The following PTBP3 variants were observed in gnomAD, a reference collection of about 807,000 sequenced individuals.
The protein encoded by PTBP3 is polypyrimidine tract-binding protein 3.
Under a neutral mutation model 58.7 loss-of-function variants are expected in PTBP3, and 20 were observed. The ratio of observed to expected loss-of-function variants is 0.34; its 90% CI spans 0.24 to 0.50. The LOEUF is 0.50. Among genes scored for constraint, PTBP3 ranks in the 20% least tolerant of loss-of-function variants. The probability of loss-of-function intolerance (pLI) is 0.98; values close to 1 mark genes in which losing one functional copy is unlikely to be tolerated. For missense variants in PTBP3, 509 were observed against 637.2 expected (o/e 0.80, Z 2.17); for synonymous variants, 185 against 219.8 (o/e 0.84, Z 1.40).
Position 112,234,891 on chromosome 9 carries a change from G to A in PTBP3, c.809C>T (p.Pro270Leu), listed in dbSNP as rs751666583. 25 of 1,611,028 alleles carry A rather than the reference G, an allele frequency of 1.6e-5. No individual in the cohort carries two copies. The highest frequency in any genetic ancestry group is 3.3e-5 in the Admixed American group (2 of 59,808). Residue 270 changes from proline (P) to leucine (L), a missense_variant, in exon 8 of 14, where the codon CCG becomes CTG. Pro to Leu is a moderately conservative substitution (Grantham distance 98). Transcript: ENST00000374257. ...EPPMAAAFGAPGIISSPYAGA... is the reference protein window; with the variant it reads ...EPPMAAAFGALGIISSPYAGA... ...TGCATATGGTGAAGAAATTATACCC[G>A]GTGCACCTAATGGGAAAGAGAAGCT...
At position 112,221,273 on chromosome 9, in the gene PTBP3, A is replaced by G; in HGVS notation, c.*2578T>C. ...TATGTATATACACTTATCTACACAC[A>G]CACACATTCACACACACACACAAAC... On this transcript the variant is annotated 3_prime_UTR_variant, in exon 14 of 14. Coordinates refer to ENST00000374257, the MANE Select transcript of PTBP3 (RefSeq NM_001163788.4). The G allele has an allele frequency of 1.0e-6, 1 of 985,402 alleles. No individual in the cohort carries two copies. The highest frequency in any genetic ancestry group is 1.7e-5 in the African/African-American group (1 of 57,286). The allele number at this position is 985,402 out of a possible 1,614,324, so 61.0% of individuals were successfully genotyped here. A position where few individuals can be genotyped will look rare whatever the true frequency, so the allele number is the denominator to read the frequency against.
chr9:112,340,876 CA>C, the PTBP3 span, among the ~76,000 whole-genome samples: 6 of 30,046 alleles, frequency 2.0e-4, no homozygotes, highest in Non-Finnish European at 2.8e-4. Context: ...AACTCTGTCT[CA>C]AAAAAAAAAA....
At position 112,268,195 on chromosome 9, in the gene PTBP3, C is replaced by T; in HGVS notation, c.205G>A (p.Ala69Thr). The T allele has an allele frequency of 6.2e-7, 1 of 1,600,424 alleles. No individual in the cohort carries two copies. The highest frequency in any genetic ancestry group is 8.5e-7 in the Non-Finnish European group (1 of 1,176,196). ...NLLMLKGKSQAFLEMASEEAA... is the reference protein window; with the variant it reads ...NLLMLKGKSQTFLEMASEEAA... ...TCCTCAGAAGCCATTTCTAAGAAAGCCTGCAATAAACACAAGAAGGTAAAG... is the reference window on the plus strand; with the variant it reads ...TCCTCAGAAGCCATTTCTAAGAAAGTCTGCAATAAACACAAGAAGGTAAAG... The change falls in exon 4 of 14, where the codon GCT (alanine) becomes ACT (threonine). Residue 69 changes from alanine to threonine, a missense_variant and splice_region_variant. Ala to Thr is a moderately conservative substitution (Grantham distance 58, BLOSUM62 0). This residue lies in a region of PTBP3 where 212 missense variants were observed against 215.3 expected (regional missense o/e 0.98). Transcript: ENST00000374257.
chr9:112,333,989 C>A (rs908695027), upstream of PTBP3, among the ~76,000 whole-genome samples: 15 of 151,730 alleles, frequency 9.9e-5, no homozygotes, highest in African/African-American at 3.4e-4. Flanking sequence ...CCGGGCCTGC[C>A]AGGTTTGAAT....
chr9:112,317,245 C>CA (rs1320672390), intron 1 of PTBP3, among the ~76,000 whole-genome samples: 16 of 150,796 alleles, frequency 1.1e-4, no homozygotes, highest in East Asian at 3.9e-4. Flanking sequence ...ACCCCATATC[C>CA]AAAAAAAAAG....
chr9:112,221,395 T>G lies in PTBP3; in HGVS notation c.*2456A>C, dbSNP rs1171999710. 4 of 985,698 alleles carry G rather than the reference T, an allele frequency of 4.1e-6. No individual in the cohort carries two copies. Among genetic ancestry groups the G allele is most frequent in the Middle Eastern group, 5.2e-4 (1 of 1,936 alleles). 61.1% of individuals were successfully genotyped at this position (985,698 alleles called of 1,614,324 possible). A position where few individuals can be genotyped will look rare whatever the true frequency, so the allele number is the denominator to read the frequency against. On this transcript the variant is annotated 3_prime_UTR_variant, in exon 14 of 14. Coordinates refer to ENST00000374257, the MANE Select transcript of PTBP3 (RefSeq NM_001163788.4). ...AAAGTTACATTCAACACCACTATGATCCCCTTCCGTTATTAGCAACTTTGC... is the reference window on the plus strand; with the variant it reads ...AAAGTTACATTCAACACCACTATGAGCCCCTTCCGTTATTAGCAACTTTGC...
chr9:112,359,531 C>T, the PTBP3 span, among the ~76,000 whole-genome samples: 1 of 151,522 alleles, frequency 6.6e-6, no homozygotes, highest in African/African-American at 2.4e-5. Context: ...AGGCTGGGCA[C>T]GGTGGCTCAC....
chr9:112,294,718 T>C (rs1008611860), intron 2 of PTBP3, among the ~76,000 whole-genome samples: 5 of 152,206 alleles, frequency 3.3e-5, no homozygotes, highest in Non-Finnish European at 7.3e-5. Context: ...AAATTATCTT[T>C]ATTTGAAGAC....
intron 1 of PTBP3, among the ~76,000 whole-genome samples, chr9:112,303,128 A>G (rs1829023212): frequency 6.6e-6 from 1 of 152,156 alleles, no homozygotes; most frequent in Non-Finnish European, 1.5e-5. Flanking sequence ...TGCTCACAGT[A>G]ACACTCCCCT....
the PTBP3 span, among the ~76,000 whole-genome samples, chr9:112,350,262 T>C: frequency 6.6e-6 from 1 of 152,072 alleles, no homozygotes; most frequent in East Asian, 1.9e-4. Context: ...AGACTACACA[T>C]TGGGTTCAGT....
chr9:112,260,439 T>C (rs1324200375), intron 5 of PTBP3, among the ~76,000 whole-genome samples: 1 of 152,166 alleles, frequency 6.6e-6, no homozygotes, highest in Non-Finnish European at 1.5e-5. Context: ...GACTGGCTCT[T>C]AGTTGGCTGA....
At chr9:112,260,155 C>T (rs527805397) in intron 5 of PTBP3, among the ~76,000 whole-genome samples, 22 of 152,292 alleles carry the variant, frequency 1.4e-4, no homozygotes, top group Admixed American at 1.2e-3. Flanking sequence ...GTCATCCACC[C>T]GCCTTGGCCT....
At chr9:112,290,703 T>TACACACACACACACACAC (rs1441556582) in intron 2 of PTBP3, among the ~76,000 whole-genome samples, 10 of 64,632 alleles carry the variant, frequency 1.5e-4, no homozygotes, top group African/African-American at 7.1e-4. Context: ...TATATATATA[T>TACACACACACACACACAC]ATATACACAC....
At chr9:112,326,391 C>T (rs747039847) in intron 1 of PTBP3, among the ~76,000 whole-genome samples, 16 of 152,146 alleles carry the variant, frequency 1.1e-4, no homozygotes, top group Admixed American at 1.0e-3. Flanking sequence ...AAAGGAGCTA[C>T]GGACAATATG....
rs112948823 is a variant in PTBP3, at chr9:112,327,799, G to GAA, written c.-52+5669_-52+5670dup. On this transcript the variant is annotated intron_variant, in intron 1 of 13. Transcript: ENST00000374257. ...TCACCATAGTATATGACTAATAGAG[G>GAA]AAAAAAAAAAAAACACTAGCAAAAT... is the stretch of plus-strand genomic sequence containing the variant. Among the ~76,000 whole-genome samples the GAA allele has an allele frequency of 4.9e-3, 706 of 144,358 alleles. 6 individuals are homozygous for GAA. Among genetic ancestry groups the GAA allele is most frequent in the East Asian group, 0.017 (85 of 5,030 alleles). The allele number at this position is 144,358 out of a possible 152,430, so 94.7% of individuals were successfully genotyped here.
At position 112,220,211 on chromosome 9, in the gene PTBP3, G is replaced by C; in HGVS notation, c.*3640C>G. ...AAAAATATCTCGTGGGAACAGAAGA[G>C]AAACTGCATGACAATATGCTAAACA... On this transcript the variant is annotated 3_prime_UTR_variant, in exon 14 of 14. Transcript: ENST00000374257. 1.5e-6 allele frequency: 2 copies of C among 1,347,116 alleles called. No individual in the cohort carries two copies. Among genetic ancestry groups the C allele is most frequent in the Non-Finnish European group, 2.0e-6 (2 of 1,019,706 alleles). 83.4% of individuals were successfully genotyped at this position (1,347,116 alleles called of 1,614,324 possible). A position where few individuals can be genotyped will look rare whatever the true frequency, so the allele number is the denominator to read the frequency against.
chr9:112,328,460 A>G (rs1830240988), intron 1 of PTBP3, among the ~76,000 whole-genome samples: 1 of 152,246 alleles, frequency 6.6e-6, no homozygotes, highest in South Asian at 2.1e-4. Context: ...GTGCTTGCTA[A>G]AAGCAGGTAG....
chr9:112,269,469 T>C (rs1827275326), intron 3 of PTBP3, among the ~76,000 whole-genome samples: 1 of 152,006 alleles, frequency 6.6e-6, no homozygotes, highest in African/African-American at 2.4e-5. Context: ...TCAGTAAGAG[T>C]TTTATTATCT....
the PTBP3 span, among the ~76,000 whole-genome samples, chr9:112,358,694 C>G: frequency 6.6e-6 from 1 of 152,142 alleles, no homozygotes; most frequent in Admixed American, 6.5e-5. Context: ...AACCTGTAGT[C>G]CCAGCTACTC....
Sources: allele counts gnomAD v4.1 joint callset (sites outside exome capture counted in the v4.1 genomes callset), GRCh38; gene constraint gnomAD v4.1.1; regional missense constraint gnomAD v4.1.1; transcripts MANE v1.5; gene names NCBI Gene and HGNC (gene_info 2026-07-23, HGNC 2026-07-21).